Variants in ASIC2 observed in about 807,000 individuals in gnomAD.
ASIC2 encodes acid-sensing ion channel 2.
In ASIC2, 25 loss-of-function variants were observed where a neutral mutation model predicts 57.3. That is an observed-to-expected ratio of 0.44 (90% CI 0.32 to 0.61). The LOEUF is 0.61. Among genes scored for constraint, ASIC2 ranks in the 20% least tolerant of loss-of-function variants. The pLI is 0.06. For synonymous variants in ASIC2, 319 were observed against 307.5 expected (o/e 1.04, Z -0.39); for missense variants, 641 against 738.1 (o/e 0.87, Z 1.52).
chr17:33,391,997 C>A (rs1445333412), intron 1 of ASIC2, among the ~76,000 whole-genome samples: 1 of 152,132 alleles, frequency 6.6e-6, no homozygotes, highest in African/African-American at 2.4e-5. Context: ...TACTCATGAT[C>A]TCCCCAAAAC....
At chr17:33,919,923 T>C (rs1306665251) in intron 1 of ASIC2, among the ~76,000 whole-genome samples, 2 of 152,104 alleles carry the variant, frequency 1.3e-5, no homozygotes, top group Admixed American at 6.6e-5. Context: ...GAAAAAACGC[T>C]CCACATCACT....
intron 1 of ASIC2, among the ~76,000 whole-genome samples, chr17:33,548,581 G>A (rs1315703647): frequency 6.6e-6 from 1 of 152,156 alleles, no homozygotes; most frequent in Non-Finnish European, 1.5e-5. Context: ...ACAGGCCTGG[G>A]TGTTCCTCTC....
intron 1 of ASIC2, among the ~76,000 whole-genome samples, chr17:33,469,206 CT>C (rs1350995209): frequency 7.9e-5 from 12 of 152,186 alleles, no homozygotes; most frequent in Non-Finnish European, 8.8e-5. Flanking sequence ...AGAGACAGGG[CT>C]GCAGTGCAAG....
intron 1 of ASIC2, among the ~76,000 whole-genome samples, chr17:33,264,022 A>G (rs1909376441): frequency 6.6e-6 from 1 of 152,242 alleles, no homozygotes; most frequent in African/African-American, 2.4e-5. Flanking sequence ...GTGACCTTGG[A>G]CAAGTGACTG....
intron 1 of ASIC2, among the ~76,000 whole-genome samples, chr17:33,318,547 C>T (rs1906745679): frequency 6.6e-6 from 1 of 152,232 alleles, no homozygotes; most frequent in African/African-American, 2.4e-5. Flanking sequence ...AGGGGAGAAG[C>T]TTTCTAAGCT....
intron 1 of ASIC2, among the ~76,000 whole-genome samples, chr17:33,379,906 T>C (rs1009106651): frequency 2.0e-5 from 3 of 152,050 alleles, no homozygotes; most frequent in African/African-American, 7.2e-5. Context: ...CGAGTAGGAA[T>C]TGAGTGTCTT....
chr17:33,550,151 T>C (rs963278529), intron 1 of ASIC2, among the ~76,000 whole-genome samples: 1 of 152,204 alleles, frequency 6.6e-6, no homozygotes, highest in Admixed American at 6.5e-5. Context: ...GCACAGTCAT[T>C]TGGGGCCAGA....
chr17:33,815,366 A>G (rs979982704), intron 1 of ASIC2, among the ~76,000 whole-genome samples: 2 of 152,138 alleles, frequency 1.3e-5, no homozygotes, highest in South Asian at 4.1e-4. Flanking sequence ...GCTGAATATC[A>G]TGTTGTCCCC....
intron 1 of ASIC2, among the ~76,000 whole-genome samples, chr17:33,580,730 G>A (rs1314603922): frequency 6.6e-6 from 1 of 152,130 alleles, no homozygotes; most frequent in African/African-American, 2.4e-5. Flanking sequence ...CACTCTTGCT[G>A]CGTCTCAGCT....
At chr17:34,126,703 A>T (rs1256156938) in intron 1 of ASIC2, among the ~76,000 whole-genome samples, 1 of 152,150 alleles carries the variant, frequency 6.6e-6, no homozygotes, top group African/African-American at 2.4e-5. Context: ...CGAAGAGGCA[A>T]GGCAGGCACA....
chr17:33,574,851 A>T (rs114765680), intron 1 of ASIC2, among the ~76,000 whole-genome samples: 6 of 143,058 alleles, frequency 4.2e-5, no homozygotes, highest in Non-Finnish European at 3.1e-5. Flanking sequence ...CTCTGTTTCT[A>T]TTTTTTTTTT....
chr17:33,123,306 G>A (rs1244288960), intron 1 of ASIC2, among the ~76,000 whole-genome samples: 1 of 152,130 alleles, frequency 6.6e-6, no homozygotes, highest in East Asian at 1.9e-4. Flanking sequence ...ATACTATTCA[G>A]CCTTTAAAAA....
At position 33,763,174 on chromosome 17, in the gene ASIC2, C is replaced by T. The variant is rs79771941; in HGVS notation, c.555+392804G>A. Among the ~76,000 whole-genome samples the T allele has an allele frequency of 2.6e-5, 4 of 152,314 alleles. No individual in the cohort carries two copies. In the East Asian group the frequency reaches 5.8e-4, roughly 22 times the overall value. ...TCTCAGGATACAAGTCTCCTGACTACGACTTCTTGGAGTTCAGAGACCATA... is the reference window on the plus strand; with the variant it reads ...TCTCAGGATACAAGTCTCCTGACTATGACTTCTTGGAGTTCAGAGACCATA... On this transcript the variant is annotated intron_variant, in intron 1 of 9. Coordinates refer to the ASIC2 transcript ENST00000359872.
intron 1 of ASIC2, among the ~76,000 whole-genome samples, chr17:33,403,940 C>T (rs1237348927): frequency 6.6e-6 from 1 of 152,170 alleles, no homozygotes; most frequent in Admixed American, 6.5e-5. Flanking sequence ...TACAGAGAGA[C>T]CCATGGACTT....
At chr17:33,991,596 G>A (rs528214354) in intron 1 of ASIC2, among the ~76,000 whole-genome samples, 2 of 152,210 alleles carry the variant, frequency 1.3e-5, no homozygotes, top group African/African-American at 2.4e-5. Flanking sequence ...TGGCCTCCAG[G>A]GGACCATCAA....
intron 1 of ASIC2, among the ~76,000 whole-genome samples, chr17:33,435,216 C>G (rs1911566404): frequency 6.6e-6 from 1 of 152,106 alleles, no homozygotes; most frequent in African/African-American, 2.4e-5. Context: ...CAGTGAACAT[C>G]CCTGGTACAC....
chr17:33,712,635 G>GTTTTTTTTTTTTTTTTTTT (rs1567695931), intron 1 of ASIC2, among the ~76,000 whole-genome samples: 5 of 123,324 alleles, frequency 4.1e-5, no homozygotes, highest in African/African-American at 1.6e-4. Flanking sequence ...TACTCATATG[G>GTTTTTTTTTTTTTTTTTTT]CTTTTTTTTT....
At chr17:33,590,620 GTCTCTACACTACACCCCAA>G (rs1212339088) in intron 1 of ASIC2, among the ~76,000 whole-genome samples, 4 of 147,214 alleles carry the variant, frequency 2.7e-5, no homozygotes, top group Non-Finnish European at 4.5e-5. Flanking sequence ...CCACACCCCA[GTCTCTACACTACACCCCAA>G]TCTCTACACA....
intron 1 of ASIC2, among the ~76,000 whole-genome samples, chr17:33,478,656 G>C (rs1430786228): frequency 6.6e-6 from 1 of 152,178 alleles, no homozygotes; most frequent in Non-Finnish European, 1.5e-5. Context: ...CTGGAGACCA[G>C]AGAGTCTCAG....
Sources: gnomAD v4.1 joint callset for allele counts (sites outside exome capture counted in the v4.1 genomes callset) on GRCh38, gnomAD v4.1.1 for gene constraint, MANE v1.5 for transcripts, NCBI Gene and HGNC (gene_info 2026-07-23, HGNC 2026-07-21) for gene names.